ZNF423: variants seen among roughly 807,000 people sequenced by gnomAD.
ZNF423 encodes the protein zinc finger protein 423, also known as Ebf-associated zinc finger protein.
A neutral mutation model predicts 95.8 loss-of-function variants in ZNF423; 12 were observed. The ratio of observed to expected loss-of-function variants is 0.13; its 90% CI spans 0.08 to 0.20. The LOEUF is 0.20. ZNF423 is among the 10% of genes least tolerant of loss of function. The probability of loss-of-function intolerance (pLI) is 1.00; values close to 1 mark genes in which losing one functional copy is unlikely to be tolerated. For synonymous variants in ZNF423, 749 were observed against 711.9 expected (o/e 1.05, Z -0.83); for missense variants, 1,316 against 1,737.1 (o/e 0.76, Z 4.31).
At chr16:49,610,794 C>T (rs762386148) in intron 5 of ZNF423, among the ~76,000 whole-genome samples, 9 of 151,922 alleles carry the variant, frequency 5.9e-5, no homozygotes, top group Admixed American at 1.3e-4. Context: ...TATAACAATA[C>T]TGGCAGGTTG....
chr16:49,561,795 G>A (rs1970025338), intron 5 of ZNF423, among the ~76,000 whole-genome samples: 1 of 152,176 alleles, frequency 6.6e-6, no homozygotes, highest in African/African-American at 2.4e-5. Flanking sequence ...AGCACTTGCT[G>A]AAAAATGGAT....
At chr16:49,756,495 C>T (rs1194754089) in intron 2 of ZNF423, among the ~76,000 whole-genome samples, 7 of 152,198 alleles carry the variant, frequency 4.6e-5, no homozygotes. Context: ...GGACCCCTCC[C>T]CGGAGTTCCA....
chr16:49,826,608 C>T lies in ZNF423; in HGVS notation c.40+29127G>A, dbSNP rs574760364. 1.1e-4 allele frequency among the ~76,000 whole-genome samples: 17 copies of T among 152,228 alleles called. No homozygotes were observed. The South Asian group carries it at 2.9e-3, about 26-fold the overall frequency. ...AACCTCATAGAGTTGCTGTGAGAATCGAAAGAACTGAATAGGGACTGCTTA... is the reference window on the plus strand; with the variant it reads ...AACCTCATAGAGTTGCTGTGAGAATTGAAAGAACTGAATAGGGACTGCTTA... On this transcript the variant is annotated intron_variant, in intron 1 of 7. Transcript: ENST00000563137.
In ZNF423 at chr16:49,626,133, G is replaced by A. The variant is rs954191829; in HGVS notation, c.3601+37C>T. On this transcript the variant is annotated intron_variant, in intron 5 of 7. Coordinates refer to ENST00000563137, the MANE Select transcript of ZNF423 (RefSeq NM_001379286.1). ...AACCGCAAATTTAAAACCCCAAAGA[G>A]TAGCTCCAGCATGGCTGGGAGGAAA... 3.8e-6 allele frequency: 6 copies of A among 1,599,510 alleles called. No homozygotes were observed. The African/African-American group carries it at 6.7e-5, about 18-fold the overall frequency.
chr16:49,535,261 T>G (rs1969019273), intron 5 of ZNF423, among the ~76,000 whole-genome samples: 1 of 152,206 alleles, frequency 6.6e-6, no homozygotes, highest in Admixed American at 6.5e-5. Context: ...GAGCTAGCAC[T>G]GAGGTGCAAG....
At position 49,542,488 on chromosome 16, in the gene ZNF423, C is replaced by T. The variant is rs995991873; in HGVS notation, c.3602-16994G>A. ...AAAGATGTGAGTCATCATCCACTCTCGTACCTCACACAGTGTTCTGTCCCA... is the reference window on the plus strand; with the variant it reads ...AAAGATGTGAGTCATCATCCACTCTTGTACCTCACACAGTGTTCTGTCCCA... On this transcript the variant is annotated intron_variant, in intron 5 of 7. Coordinates refer to ENST00000563137, the MANE Select transcript of ZNF423 (RefSeq NM_001379286.1). Among the ~76,000 whole-genome samples, 14 of 152,226 alleles carry T rather than the reference C, an allele frequency of 9.2e-5. No individual in the cohort carries two copies. The East Asian group carries it at 1.3e-3, about 15-fold the overall frequency.
Position 49,523,753 on chromosome 16 carries a change from C to A in ZNF423, c.3734-14G>T. ...CCTGGACGAAGACTAGACACAGACA[C>A]GGCTGTCAGGGCCAAGCTCAGGACA... On this transcript the variant is annotated splice_polypyrimidine_tract_variant and intron_variant, in intron 6 of 7. Coordinates refer to ENST00000563137, the MANE Select transcript of ZNF423 (RefSeq NM_001379286.1). The A allele has an allele frequency of 6.2e-7, 1 of 1,609,682 alleles. No individual in the cohort carries two copies. The highest frequency in any genetic ancestry group is 8.5e-7 in the Non-Finnish European group (1 of 1,178,662).
chr16:49,833,036 T>C (rs1265181026), intron 1 of ZNF423, among the ~76,000 whole-genome samples: 2 of 152,226 alleles, frequency 1.3e-5, no homozygotes, highest in African/African-American at 4.8e-5. Flanking sequence ...ATCTAAAAGG[T>C]TGGAAGGGCA....
chr16:49,812,471 A>G (rs2034768592), intron 1 of ZNF423, among the ~76,000 whole-genome samples: 1 of 152,120 alleles, frequency 6.6e-6, no homozygotes, highest in Non-Finnish European at 1.5e-5. Flanking sequence ...AAGTGGGTGG[A>G]TCTTTGGAGG....
intron 1 of ZNF423, among the ~76,000 whole-genome samples, chr16:49,810,602 G>A (rs907603818): frequency 3.3e-5 from 5 of 152,108 alleles, no homozygotes; most frequent in African/African-American, 4.8e-5. Context: ...CCCAGCTCAG[G>A]GCCTCGTCTC....
At chr16:49,706,785 C>T (rs2032365844) in intron 3 of ZNF423, among the ~76,000 whole-genome samples, 1 of 152,132 alleles carries the variant, frequency 6.6e-6, no homozygotes, top group Non-Finnish European at 1.5e-5. Context: ...TCTGATTGAC[C>T]CAGAAACAGA....
chr16:49,735,893 G>C (rs1396762517), intron 2 of ZNF423, among the ~76,000 whole-genome samples: 1 of 152,208 alleles, frequency 6.6e-6, no homozygotes, highest in African/African-American at 2.4e-5. Context: ...GCTGAACCCA[G>C]TTAGCTCATA....
In ZNF423 at chr16:49,508,356, C is replaced by CA. The variant is rs1470378122; in HGVS notation, c.3849+15267dup. 2.0e-5 allele frequency among the ~76,000 whole-genome samples: 3 copies of CA among 151,852 alleles called. No homozygotes were observed. The East Asian group carries it at 5.8e-4, about 29-fold the overall frequency. ...GGCAGCATAGTGAACCCTATCTTTA[C>CA]AAAAAATAAAAACGTTAGCTGGGTA... On this transcript the variant is annotated intron_variant, in intron 7 of 7. Coordinates refer to ENST00000563137, the MANE Select transcript of ZNF423 (RefSeq NM_001379286.1).
chr16:49,526,793 T>C (rs945674840), intron 5 of ZNF423, among the ~76,000 whole-genome samples: 14 of 152,212 alleles, frequency 9.2e-5, no homozygotes, highest in Admixed American at 9.2e-4. Context: ...ATAGTTGCTA[T>C]GAGAATTAAA....
chr16:49,725,311 A>T (rs888541085), intron 3 of ZNF423, among the ~76,000 whole-genome samples: 2 of 152,154 alleles, frequency 1.3e-5, no homozygotes, highest in African/African-American at 2.4e-5. Context: ...GAGCACAGGA[A>T]GTCGAGGCTG....
chr16:49,703,183 C>T (rs1467844454), intron 3 of ZNF423, among the ~76,000 whole-genome samples: 1 of 152,200 alleles, frequency 6.6e-6, no homozygotes, highest in Non-Finnish European at 1.5e-5. Context: ...CCTGCTTAAC[C>T]GTGTCATGGC....
chr16:49,499,157 C>A (rs1967285015), intron 7 of ZNF423, among the ~76,000 whole-genome samples: 1 of 152,218 alleles, frequency 6.6e-6, no homozygotes, highest in African/African-American at 2.4e-5. Flanking sequence ...TGACACCCAA[C>A]CCTGGCCTCA....
intron 1 of ZNF423, among the ~76,000 whole-genome samples, chr16:49,799,672 A>C (rs1299407376): frequency 6.6e-6 from 1 of 152,194 alleles, no homozygotes; most frequent in African/African-American, 2.4e-5. Flanking sequence ...ATCTTCGGCA[A>C]CTCTGCAGAA....
At chr16:49,573,796 C>G (rs1032445446) in intron 5 of ZNF423, among the ~76,000 whole-genome samples, 2 of 152,224 alleles carry the variant, frequency 1.3e-5, no homozygotes, top group African/African-American at 4.8e-5. Context: ...TCAAGAGACC[C>G]AGCTGATTAC....
Sources: allele counts gnomAD v4.1 joint callset (sites outside exome capture counted in the v4.1 genomes callset), GRCh38; gene constraint gnomAD v4.1.1; transcripts MANE v1.5; gene names NCBI Gene and HGNC (gene_info 2026-07-23, HGNC 2026-07-21).